CPSF3: variants seen among roughly 807,000 people sequenced by gnomAD.
CPSF3 encodes cleavage and polyadenylation specific factor 3, also known as cleavage and polyadenylation specificity factor subunit 3.
CPSF3 carries 57 observed loss-of-function variants against 84.1 expected under a neutral mutation model. That is an observed-to-expected ratio of 0.68 (90% confidence interval 0.55 to 0.85). The LOEUF (loss-of-function observed/expected upper bound fraction) is 0.85, where lower values mean the gene tolerates loss of function less well. Ranked by LOEUF, CPSF3 falls within the 40% of genes least tolerant of loss-of-function variation. The pLI is 0.00. For synonymous variants in CPSF3, 275 were observed against 278.1 expected, an observed-to-expected ratio of 0.99 and a Z score of 0.11; for missense variants, 522 against 838.8, an observed-to-expected ratio of 0.62 and a Z score of 4.66.
intron 12 of CPSF3, among the ~76,000 whole-genome samples, chr2:9,454,819 C>T (rs1400275008): frequency 6.6e-6 from 1 of 152,074 alleles, no homozygotes; most frequent in East Asian, 1.9e-4. Flanking sequence ...GCTGGGATTA[C>T]AGGCGTGAGC....
In CPSF3 at chr2:9,461,652, A is replaced by C. The variant is rs143039791; in HGVS notation, c.1786+2034A>C. On this transcript the variant is annotated intron_variant, in intron 15 of 17. Coordinates refer to ENST00000238112, the MANE Select transcript of CPSF3 (RefSeq NM_016207.4). The stretch of plus-strand genomic sequence containing the variant: ...ACCACTGCATTTCAGCCTGGGTGAC[A>C]GAGCAATACTCCATCTCAAAAAAAA... Among the ~76,000 whole-genome samples, 859 of 151,692 alleles carry C rather than the reference A, an allele frequency of 5.7e-3. 13 individuals are homozygous for C. The highest frequency in any genetic ancestry group is 0.019 in the African/African-American group (794 of 41,416).
At chr2:9,454,604 G>A (rs1006367772) in intron 12 of CPSF3, among the ~76,000 whole-genome samples, 3 of 141,516 alleles carry the variant, frequency 2.1e-5, no homozygotes, top group Non-Finnish European at 4.5e-5. Flanking sequence ...GTGCAGTGGC[G>A]TGCCGTCTCT....
In CPSF3 at chr2:9,452,971, T is replaced by A. The variant is rs771970718; in HGVS notation, c.1454T>A (p.Leu485His). ...PEQGQRVSGI[L>H]VKRNFNYHIL... ...CAAGGCCAGCGGGTCTCAGGAATACTTGTTAAAAGAAACTTTAATTATCAC... is the reference window on the plus strand; with the variant it reads ...CAAGGCCAGCGGGTCTCAGGAATACATGTTAAAAGAAACTTTAATTATCAC... Residue 485 changes from leucine to histidine, a missense_variant, in exon 12 of 18, where the codon CTT becomes CAT. This residue lies in a region of CPSF3 where 329 missense variants were observed against 607.2 expected (regional missense o/e 0.54). Coordinates refer to ENST00000238112, the MANE Select transcript of CPSF3 (RefSeq NM_016207.4). 1.2e-6 allele frequency: 2 copies of A among 1,612,356 alleles called. No homozygotes were observed. The highest frequency in any genetic ancestry group is 2.7e-5 in the African/African-American group (2 of 74,820).
At chr2:9,424,251 G>T in intron 1 of CPSF3, 1 of 990,438 alleles carries the variant, frequency 1.0e-6, no homozygotes, top group Non-Finnish European at 1.2e-6. Flanking sequence ...AATTAAGTCT[G>T]TTTCTTAACA....
intron 7 of CPSF3, among the ~76,000 whole-genome samples, chr2:9,437,696 A>G (rs1237341621): frequency 6.6e-6 from 1 of 152,222 alleles, no homozygotes; most frequent in Admixed American, 6.5e-5. Flanking sequence ...TTGAAGAATA[A>G]AAGAAGGTAC....
chr2:9,460,679 C>CTTTTTTTT (rs529125315), intron 15 of CPSF3, among the ~76,000 whole-genome samples: 1 of 137,698 alleles, frequency 7.3e-6, no homozygotes, highest in Non-Finnish European at 1.6e-5. Flanking sequence ...TTCTTTCTTT[C>CTTTTTTTT]TTTTTTTTTT....
intron 5 of CPSF3, among the ~76,000 whole-genome samples, chr2:9,432,930 A>G (rs1313016152): frequency 6.6e-6 from 1 of 152,224 alleles, no homozygotes; most frequent in East Asian, 1.9e-4. Context: ...AGAGTAAAAT[A>G]AACATCTCAA....
At chr2:9,451,716 C>CT (rs35559032) in intron 11 of CPSF3, among the ~76,000 whole-genome samples, 22,210 of 128,808 alleles carry the variant, frequency 0.17, 2,100 homozygotes, top group African/African-American at 0.22. Context: ...ATAAATGAAA[C>CT]TTTTTTTTTT....
At position 9,441,821 on chromosome 2, in the gene CPSF3, ATG is replaced by A; in HGVS notation, c.941_942del (p.Met314ArgfsTer4). On this transcript the variant is annotated frameshift_variant, in exon 9 of 18. Transcript: ENST00000238112. LOFTEE classifies it high-confidence loss of function. ...VFKHISNLKS[M>X]DHFDDIGPSV... ...CCCATTCTGTTTTCTCTCTTAGAGC[ATG>A]GATCATTTTGATGACATTGGTCCCA... is the stretch of plus-strand genomic sequence containing the variant. The A allele has an allele frequency of 6.2e-7, 1 of 1,614,114 alleles. No individual in the cohort carries two copies. The highest frequency in any genetic ancestry group is 8.5e-7 in the Non-Finnish European group (1 of 1,180,014).
At position 9,473,033 on chromosome 2, in the gene CPSF3, T is replaced by C. The variant is rs767103033; in HGVS notation, c.*16T>C. The C allele has an allele frequency of 1.3e-6, 2 of 1,573,214 alleles. No homozygotes were observed. Among genetic ancestry groups the C allele is most frequent in the Non-Finnish European group, 8.7e-7 (1 of 1,146,644 alleles). On this transcript the variant is annotated 3_prime_UTR_variant, in exon 18 of 18. Transcript: ENST00000238112. ...AGTTCACTGAGACTGTGCCTGTATA[T>C]GAACTTTGAAAAAATACTTGACTCT...
At chr2:9,466,206 A>ACGCG (rs1491066024) in intron 15 of CPSF3, among the ~76,000 whole-genome samples, 1 of 146,190 alleles carries the variant, frequency 6.8e-6, no homozygotes, top group Non-Finnish European at 1.5e-5. Flanking sequence ...TCACACACAC[A>ACGCG]CGCGCACACA....
chr2:9,439,678 G>GGTTA (rs1680905521), intron 7 of CPSF3, among the ~76,000 whole-genome samples: 2 of 152,046 alleles, frequency 1.3e-5, no homozygotes, highest in South Asian at 4.1e-4. Context: ...ATCAGAAACT[G>GGTTA]GTTAGTAGGT....
chr2:9,443,490 T>G, intron 9 of CPSF3, 25 bp from the exon 10 acceptor site: 1 of 1,593,744 alleles, frequency 6.3e-7, no homozygotes, highest in South Asian at 1.1e-5. Flanking sequence ...TAGTTTGTTT[T>G]GTTATTTTTC....
intron 16 of CPSF3, among the ~76,000 whole-genome samples, chr2:9,470,850 T>A (rs1046917450): frequency 6.6e-6 from 1 of 152,256 alleles, no homozygotes; most frequent in African/African-American, 2.4e-5. Context: ...CATTCTTGAA[T>A]AAAGCTGTGT....
At chr2:9,453,836 A>G (rs1342588239) in intron 12 of CPSF3, among the ~76,000 whole-genome samples, 2 of 152,070 alleles carry the variant, frequency 1.3e-5, no homozygotes, top group Admixed American at 6.6e-5. Context: ...GGTTGCAGTG[A>G]GCTGAGATAA....
At chr2:9,469,544 G>A (rs1682092457) in intron 16 of CPSF3, among the ~76,000 whole-genome samples, 2 of 152,200 alleles carry the variant, frequency 1.3e-5, no homozygotes. Context: ...GTCCTCAGGA[G>A]CCGTGGGGAG....
chr2:9,441,697 T>C, intron 8 of CPSF3, 121 bp from the exon 9 acceptor site: 1 of 982,836 alleles, frequency 1.0e-6, no homozygotes, highest in East Asian at 2.6e-5. Flanking sequence ...TTACAGATCT[T>C]GTGAAGGCTC....
At chr2:9,467,822 C>T (rs756010959) in intron 16 of CPSF3, 46 bp downstream of exon 16, 36 of 1,493,260 alleles carry the variant, frequency 2.4e-5, no homozygotes, top group East Asian at 9.0e-5. Flanking sequence ...TGACAGCGGC[C>T]GGAAGGAGCC....
chr2:9,466,412 ACACGCACACG>A (rs1331216814), intron 15 of CPSF3, among the ~76,000 whole-genome samples: 1 of 146,436 alleles, frequency 6.8e-6, no homozygotes, highest in South Asian at 2.1e-4. Context: ...GCACGCGCAC[ACACGCACACG>A]CGCACACACG....
Sources: allele counts gnomAD v4.1 joint callset (sites outside exome capture counted in the v4.1 genomes callset), GRCh38; gene constraint gnomAD v4.1.1; regional missense constraint gnomAD v4.1.1; transcripts MANE v1.5; gene names NCBI Gene and HGNC (gene_info 2026-07-23, HGNC 2026-07-21).